Variants in EPS15 observed in about 807,000 individuals in gnomAD.
The protein encoded by EPS15 is epidermal growth factor receptor pathway substrate 15.
A neutral mutation model predicts 113.8 loss-of-function variants in EPS15; 72 were observed. The observed-to-expected ratio is 0.63, with a 90% confidence interval of 0.52 to 0.77. EPS15 has a LOEUF of 0.77. EPS15 is among the 30% of genes least tolerant of loss of function. The pLI is 0.00. For missense variants in EPS15, 1,048 were observed against 1,045.8 expected (o/e 1.00, Z -0.03); for synonymous variants, 344 against 363.4 (o/e 0.95, Z 0.61).
At chr1:51,396,254 T>G (rs1647928368) in intron 20 of EPS15, among the ~76,000 whole-genome samples, 2 of 152,218 alleles carry the variant, frequency 1.3e-5, no homozygotes, top group African/African-American at 2.4e-5. Context: ...TAGTCATAAC[T>G]CCAGTGTAAG....
At chr1:51,404,861 T>C (rs966948724) in intron 16 of EPS15, among the ~76,000 whole-genome samples, 3 of 152,160 alleles carry the variant, frequency 2.0e-5, no homozygotes, top group Admixed American at 1.3e-4. Flanking sequence ...GGATACACAT[T>C]TATACTTTGA....
At chr1:51,500,107 T>G (rs1360690155) in intron 1 of EPS15, among the ~76,000 whole-genome samples, 2 of 152,230 alleles carry the variant, frequency 1.3e-5, no homozygotes, top group Non-Finnish European at 2.9e-5. Context: ...TTCCTTCTTG[T>G]AGCATATATC....
At chr1:51,357,428 T>TATATATATATA (rs1557761744) in intron 24 of EPS15, among the ~76,000 whole-genome samples, 7 of 65,668 alleles carry the variant, frequency 1.1e-4, no homozygotes, top group South Asian at 4.3e-4. Flanking sequence ...ATATATATAT[T>TATATATATATA]TTTTTTTTTT....
At position 51,409,674 on chromosome 1, in the gene EPS15, C is replaced by T. The variant is rs1394241447; in HGVS notation, c.1136G>A (p.Arg379Lys). ...EVQDLQDEVQ[R>K]ENTNLQKLQA... ...TAGTTTTTGCAGATTAGTATTCTCC[C>T]TTTGAACTTCATCTTGAAGATCCTA... Residue 379 changes from arginine to lysine, a missense_variant, in exon 14 of 25, where the codon AGG becomes AAG. By Grantham distance (26) the Arg-to-Lys change is conservative. Coordinates refer to ENST00000371733, the MANE Select transcript of EPS15 (RefSeq NM_001981.3). 1 of 1,609,154 alleles carries T rather than the reference C, an allele frequency of 6.2e-7. No homozygotes were observed. Among genetic ancestry groups the T allele is most frequent in the Non-Finnish European group, 8.5e-7 (1 of 1,178,252 alleles).
At chr1:51,484,088 G>T (rs1442431524) in intron 1 of EPS15, among the ~76,000 whole-genome samples, 2 of 151,838 alleles carry the variant, frequency 1.3e-5, no homozygotes, top group Non-Finnish European at 2.9e-5. Context: ...TCTAGCCTGG[G>T]CAACAGAGTG....
intron 14 of EPS15, among the ~76,000 whole-genome samples, chr1:51,409,155 C>A (rs1262245718): frequency 6.6e-6 from 1 of 152,068 alleles, no homozygotes; most frequent in East Asian, 1.9e-4. Flanking sequence ...TCCTGGGCTC[C>A]AGCAATTCCC....
intron 1 of EPS15, among the ~76,000 whole-genome samples, chr1:51,518,924 C>T (rs1481004414): frequency 6.6e-6 from 1 of 151,422 alleles, no homozygotes; most frequent in Non-Finnish European, 1.5e-5. Flanking sequence ...TCACAGTCCA[C>T]TCGGCAGCGG....
intron 21 of EPS15, chr1:51,372,434 T>C: frequency 1.9e-6 from 1 of 533,774 alleles, no homozygotes. Context: ...CTGGAGTCCC[T>C]TTTGATGAAG....
At chr1:51,484,408 T>A (rs866840453) in intron 1 of EPS15, among the ~76,000 whole-genome samples, 16 of 152,108 alleles carry the variant, frequency 1.1e-4, no homozygotes, top group South Asian at 2.1e-4. Flanking sequence ...TTTAAAAAAA[T>A]TTTTTAAATA....
chr1:51,367,659 G>A (rs1646537670), intron 21 of EPS15, among the ~76,000 whole-genome samples: 1 of 152,214 alleles, frequency 6.6e-6, no homozygotes, highest in South Asian at 2.1e-4. Flanking sequence ...CAGCTGGAAT[G>A]AATGATCTAC....
intron 22 of EPS15, among the ~76,000 whole-genome samples, chr1:51,364,282 T>G (rs1431169773): frequency 6.6e-6 from 1 of 152,086 alleles, no homozygotes; most frequent in Non-Finnish European, 1.5e-5. Context: ...CAATCTAGAT[T>G]AAAGGTTTGT....
intron 21 of EPS15, among the ~76,000 whole-genome samples, chr1:51,368,976 A>T (rs1317189835): frequency 6.6e-6 from 1 of 152,142 alleles, no homozygotes. Flanking sequence ...GACAAGGGAA[A>T]AAGAGTTGGG....
At chr1:51,446,865 A>T in intron 10 of EPS15, 95 bp downstream of exon 10, 1 of 1,036,060 alleles carries the variant, frequency 9.7e-7, no homozygotes, top group African/African-American at 1.6e-5. Flanking sequence ...TGAAACAAAA[A>T]CTGTCCTATT....
intron 21 of EPS15, among the ~76,000 whole-genome samples, chr1:51,385,231 A>G (rs1054687207): frequency 6.6e-6 from 1 of 152,300 alleles, no homozygotes; most frequent in East Asian, 1.9e-4. Flanking sequence ...TTCAACAAAA[A>G]CAACCTGATT....
At chr1:51,434,113 G>A (rs1330064603) in intron 12 of EPS15, among the ~76,000 whole-genome samples, 1 of 152,164 alleles carries the variant, frequency 6.6e-6, no homozygotes, top group Non-Finnish European at 1.5e-5. Context: ...GGGTATAACA[G>A]TCTTCATCAG....
In EPS15 at chr1:51,432,266, A is replaced by G. The variant is rs548051792; in HGVS notation, c.1040+8081T>C. ...AGCAAATGAAATGTATAATAATTCT[A>G]ACTCAGAACAGGTACAAAGAAGCCA... On this transcript the variant is annotated intron_variant, in intron 12 of 24. Transcript: ENST00000371733. Among the ~76,000 whole-genome samples the G allele has an allele frequency of 1.1e-4, 16 of 152,284 alleles. 1 individual carries two copies. In the South Asian group the frequency reaches 3.3e-3, roughly 32 times the overall value.
chr1:51,455,125 CAGT>C (rs1175724224), intron 8 of EPS15, among the ~76,000 whole-genome samples: 14 of 152,152 alleles, frequency 9.2e-5, no homozygotes, highest in African/African-American at 2.9e-4. Flanking sequence ...AAATAAAAAG[CAGT>C]AGTTTCAGCC....
At position 51,354,557 on chromosome 1, in the gene EPS15, C is replaced by T. The variant is rs1646176242; in HGVS notation, c.*2143G>A. ...ATCAGTATGTAGAAGACATTTAAAA[C>T]TTTGTAAGTAGTGCCACTTAGCTCT... On this transcript the variant is annotated 3_prime_UTR_variant, in exon 25 of 25. Transcript: ENST00000371733. 1.3e-5 allele frequency: 2 copies of T among 157,130 alleles called. No individual in the cohort carries two copies. The highest frequency in any genetic ancestry group is 2.4e-5 in the African/African-American group (1 of 40,924). The allele number at this position is 157,130 out of a possible 1,614,324, so 9.7% of individuals were successfully genotyped here.
chr1:51,441,313 T>C (rs1378748168), intron 11 of EPS15, among the ~76,000 whole-genome samples: 1 of 152,088 alleles, frequency 6.6e-6, no homozygotes, highest in African/African-American at 2.4e-5. Context: ...CATTGAGTTG[T>C]TTCTACCTTG....
Sources: allele counts gnomAD v4.1 joint callset (sites outside exome capture counted in the v4.1 genomes callset), GRCh38; gene constraint gnomAD v4.1.1; transcripts MANE v1.5; gene names NCBI Gene and HGNC (gene_info 2026-07-23, HGNC 2026-07-21).